Variants in CABLES1 observed in about 807,000 individuals in gnomAD.
CABLES1 encodes CDK5 and ABL1 enzyme substrate 1.
A neutral mutation model predicts 57.8 loss-of-function variants in CABLES1; 36 were observed. That is an observed-to-expected ratio of 0.62 (90% CI 0.48 to 0.82). CABLES1 has a LOEUF of 0.82. CABLES1 is among the 40% of genes least tolerant of loss of function. The pLI is 0.00. For missense variants in CABLES1, 767 were observed against 836.6 expected (o/e 0.92, Z 1.03); for synonymous variants, 374 against 363.0 (o/e 1.03, Z -0.35).
chr18:23,152,255 G>A (rs2046935605), intron 1 of CABLES1, among the ~76,000 whole-genome samples: 1 of 152,026 alleles, frequency 6.6e-6, no homozygotes, highest in African/African-American at 2.4e-5. Flanking sequence ...GAGCTAAAAT[G>A]CTACTTGGCA....
intron 2 of CABLES1, among the ~76,000 whole-genome samples, chr18:23,193,316 T>C (rs951646500): frequency 6.6e-6 from 1 of 151,968 alleles, no homozygotes; most frequent in African/African-American, 2.4e-5. Flanking sequence ...CTCAGCCTCC[T>C]GAGTAGCTGG....
intron 1 of CABLES1, among the ~76,000 whole-genome samples, chr18:23,169,396 A>G (rs896572015): frequency 2.0e-5 from 3 of 152,202 alleles, no homozygotes; most frequent in South Asian, 2.1e-4. Context: ...GGTCTGGATC[A>G]GGACTCTTTT....
At position 23,200,763 on chromosome 18, in the gene CABLES1, T is replaced by C. The variant is rs899219365; in HGVS notation, c.1010+6223T>C. Among the ~76,000 whole-genome samples, 4 of 152,232 alleles carry C rather than the reference T, an allele frequency of 2.6e-5. No homozygotes were observed. In the East Asian group the frequency reaches 7.7e-4, roughly 29 times the overall value. On this transcript the variant is annotated intron_variant, in intron 3 of 9. Coordinates refer to ENST00000256925, the MANE Select transcript of CABLES1 (RefSeq NM_001100619.3). Reference sequence around the variant, plus strand: ...GTGCCATGGACATTGCATATCTAGATTGCGGCAAAATGTCAGTTTATTCCT... The same window carrying C: ...GTGCCATGGACATTGCATATCTAGACTGCGGCAAAATGTCAGTTTATTCCT...
intron 1 of CABLES1, among the ~76,000 whole-genome samples, chr18:23,169,584 C>T (rs562110033): frequency 6.6e-6 from 1 of 152,194 alleles, no homozygotes; most frequent in Non-Finnish European, 1.5e-5. Flanking sequence ...CCCCTTCCCC[C>T]AGCTCAACCA....
At chr18:23,192,081 GGTTT>G (rs1448945881) in intron 2 of CABLES1, among the ~76,000 whole-genome samples, 2 of 152,178 alleles carry the variant, frequency 1.3e-5, no homozygotes. Flanking sequence ...AGCACATCGT[GGTTT>G]GTTAGTGGAT....
intron 3 of CABLES1, among the ~76,000 whole-genome samples, chr18:23,208,857 GT>G (rs2047383371): frequency 6.6e-6 from 1 of 152,208 alleles, no homozygotes; most frequent in South Asian, 2.1e-4. Context: ...GTGAGCCCTG[GT>G]GTCCTTGGCT....
intron 3 of CABLES1, among the ~76,000 whole-genome samples, chr18:23,199,205 AAAT>A (rs1157444864): frequency 6.6e-6 from 1 of 152,258 alleles, no homozygotes; most frequent in Admixed American, 6.5e-5. Context: ...GTTAAAAAGA[AAAT>A]AAAGTTGGAA....
chr18:23,247,206 G>A (rs2047918506), intron 7 of CABLES1, among the ~76,000 whole-genome samples: 1 of 152,218 alleles, frequency 6.6e-6, no homozygotes, highest in Non-Finnish European at 1.5e-5. Flanking sequence ...CGGCCTCTAA[G>A]GGCCACCATC....
chr18:23,149,293 CT>C (rs953668562), intron 1 of CABLES1, among the ~76,000 whole-genome samples: 32 of 151,228 alleles, frequency 2.1e-4, no homozygotes, highest in Admixed American at 3.3e-4. Flanking sequence ...AGTTTGTCTA[CT>C]TTTTTTTGAG....
chr18:23,237,361 G>A, intron 7 of CABLES1, 116 bp downstream of exon 7: 1 of 754,280 alleles, frequency 1.3e-6, no homozygotes, highest in Non-Finnish European at 2.4e-6. Flanking sequence ...TTCATGAGGA[G>A]CTCCCCGGTG....
chr18:23,187,725 AT>A (rs2047213315), intron 1 of CABLES1, among the ~76,000 whole-genome samples: 2 of 152,206 alleles, frequency 1.3e-5, no homozygotes, highest in Non-Finnish European at 2.9e-5. Flanking sequence ...GCATCAAAAA[AT>A]TATGAAAGGT....
intron 3 of CABLES1, among the ~76,000 whole-genome samples, chr18:23,212,492 A>G (rs2047412117): frequency 6.6e-6 from 1 of 152,164 alleles, no homozygotes; most frequent in Non-Finnish European, 1.5e-5. Flanking sequence ...ACTGCTATGG[A>G]ATTGACACCA....
At chr18:23,247,288 C>G (rs2047920406) in intron 7 of CABLES1, among the ~76,000 whole-genome samples, 1 of 152,238 alleles carries the variant, frequency 6.6e-6, no homozygotes, top group Non-Finnish European at 1.5e-5. Flanking sequence ...CTCAGAAGGA[C>G]CTGCAGCTGA....
chr18:23,142,536 T>C (rs1391050645), intron 1 of CABLES1, among the ~76,000 whole-genome samples: 1 of 152,160 alleles, frequency 6.6e-6, no homozygotes, highest in Non-Finnish European at 1.5e-5. Context: ...GGTCACAGAG[T>C]GACCAGGGGG....
chr18:23,154,420 T>C (rs1188147024), intron 1 of CABLES1, among the ~76,000 whole-genome samples: 2 of 152,196 alleles, frequency 1.3e-5, no homozygotes, highest in Admixed American at 1.3e-4. Context: ...TACCGAGCCA[T>C]AGGGAAATTG....
At chr18:23,229,918 C>A (rs1030554917) in intron 4 of CABLES1, among the ~76,000 whole-genome samples, 6 of 152,280 alleles carry the variant, frequency 3.9e-5, no homozygotes, top group South Asian at 2.1e-4. Flanking sequence ...TCAAGTACGA[C>A]CAAAGAACAG....
intron 1 of CABLES1, among the ~76,000 whole-genome samples, chr18:23,158,316 A>G (rs943602487): frequency 5.3e-5 from 8 of 152,082 alleles, no homozygotes; most frequent in African/African-American, 1.7e-4. Flanking sequence ...AATGATAATA[A>G]CACCAAACAT....
At chr18:23,248,739 C>T (rs568351209) in intron 7 of CABLES1, among the ~76,000 whole-genome samples, 2 of 152,194 alleles carry the variant, frequency 1.3e-5, no homozygotes, top group South Asian at 2.1e-4. Context: ...GCAGGAGAAT[C>T]GCTTGAACCC....
chr18:23,247,552 C>G lies in CABLES1; in HGVS notation c.1447-5408C>G, dbSNP rs528360716. ...AGCGGGAGCAGGACACGGAACAGCC[C>G]CACAGATCAGGTGCCTGCCGCTGTC... On this transcript the variant is annotated intron_variant, in intron 7 of 9. Transcript: ENST00000256925. 3.3e-5 allele frequency among the ~76,000 whole-genome samples: 5 copies of G among 152,310 alleles called. No homozygotes were observed. In the South Asian group the frequency reaches 1.0e-3, roughly 32 times the overall value.
Sources: gnomAD v4.1 joint callset for allele counts (sites outside exome capture counted in the v4.1 genomes callset) on GRCh38, gnomAD v4.1.1 for gene constraint, MANE v1.5 for transcripts, NCBI Gene and HGNC (gene_info 2026-07-23, HGNC 2026-07-21) for gene names.